Variants in DAW1 observed in about 807,000 individuals in gnomAD.
DAW1 encodes dynein assembly factor with WD repeats 1.
In DAW1, 47 loss-of-function variants were observed where a neutral mutation model predicts 56.5. The ratio of observed to expected loss-of-function variants is 0.83; its 90% CI spans 0.66 to 1.06. The LOEUF is 1.06. Among genes scored for constraint, DAW1 ranks in the 50% least tolerant of loss-of-function variants. The pLI is 0.00. For missense variants in DAW1, 505 were observed against 499.3 expected (o/e 1.01, Z -0.11); for synonymous variants, 190 against 179.0 (o/e 1.06, Z -0.49).
chr2:227,922,687 A>T (rs1692140474), intron 12 of DAW1, among the ~76,000 whole-genome samples: 1 of 152,116 alleles, frequency 6.6e-6, no homozygotes, highest in Non-Finnish European at 1.5e-5. Context: ...TCCCCTTACC[A>T]CCTAAAATGC....
At chr2:227,881,096 G>A (rs970366252) in intron 1 of DAW1, among the ~76,000 whole-genome samples, 3 of 152,160 alleles carry the variant, frequency 2.0e-5, no homozygotes, top group Admixed American at 6.6e-5. Flanking sequence ...AGCCCAAAGA[G>A]GGTATATTTG....
chr2:227,920,622 C>A (rs1001467843), intron 11 of DAW1, among the ~76,000 whole-genome samples: 4 of 152,140 alleles, frequency 2.6e-5, no homozygotes, highest in Non-Finnish European at 5.9e-5. Context: ...TTCTATGGCA[C>A]AGATTAGAGA....
At chr2:227,882,104 T>G (rs1395620636) in intron 1 of DAW1, among the ~76,000 whole-genome samples, 2 of 152,146 alleles carry the variant, frequency 1.3e-5, no homozygotes, top group Admixed American at 1.3e-4. Context: ...AAATAGAGTG[T>G]TTTGGCAACA....
intron 11 of DAW1, among the ~76,000 whole-genome samples, chr2:227,919,521 T>C (rs1453614807): frequency 6.6e-6 from 1 of 152,214 alleles, no homozygotes; most frequent in Non-Finnish European, 1.5e-5. Context: ...GCGAAAAATA[T>C]GCTGGGCAGC....
chr2:227,875,419 C>G (rs139372882), intron 1 of DAW1, among the ~76,000 whole-genome samples: 313 of 152,268 alleles, frequency 2.1e-3, no homozygotes, highest in African/African-American at 7.0e-3. Context: ...ACCATGATCC[C>G]CAAGGCCCTG....
intron 2 of DAW1, among the ~76,000 whole-genome samples, chr2:227,886,560 T>A (rs1431554988): frequency 6.6e-6 from 1 of 152,054 alleles, no homozygotes; most frequent in Non-Finnish European, 1.5e-5. Context: ...GAGGTTGCAG[T>A]GAGCTGAGAT....
intron 3 of DAW1, among the ~76,000 whole-genome samples, chr2:227,890,643 C>T (rs948930394): frequency 3.3e-5 from 5 of 152,124 alleles, no homozygotes; most frequent in Admixed American, 2.0e-4. Flanking sequence ...GCATTCGTTT[C>T]TGGAAGAGGA....
intron 8 of DAW1, 66 bp from the exon 9 acceptor site, chr2:227,906,170 C>CATT (rs1691675539): frequency 7.7e-7 from 1 of 1,295,862 alleles, no homozygotes; most frequent in Admixed American, 1.9e-5. Context: ...GGCTTGGCCT[C>CATT]ATTATTCATG....
intron 6 of DAW1, among the ~76,000 whole-genome samples, chr2:227,898,845 A>G (rs1559308139): frequency 6.6e-6 from 1 of 152,202 alleles, no homozygotes; most frequent in Non-Finnish European, 1.5e-5. Flanking sequence ...ATAAATTTAT[A>G]AATATAATAA....
In DAW1 at chr2:227,921,653, C is replaced by T. The variant is rs1692114702; in HGVS notation, c.1213+92C>T. ...TACTAACAGGAGTTCATCCCCATTC[C>T]CTACCTCTTTTCTGGAGTCACTAGC... On this transcript the variant is annotated intron_variant, in intron 12 of 12. Transcript: ENST00000309931. 2.2e-6 allele frequency: 3 copies of T among 1,361,204 alleles called. No homozygotes were observed. The East Asian group carries it at 7.0e-5, about 32-fold the overall frequency. 84.3% of individuals were successfully genotyped at this position (1,361,204 alleles called of 1,614,324 possible). A position where few individuals can be genotyped will look rare whatever the true frequency, so the allele number is the denominator to read the frequency against.
chr2:227,885,446 C>G lies in DAW1; in HGVS notation c.113+23C>G, dbSNP rs771393667. Reference sequence around the variant, plus strand: ...CAGGTAAGTAAGCTGTAGGATTCAACAAATAAATGTTCACTGGGAAGCCTT... The same window carrying G: ...CAGGTAAGTAAGCTGTAGGATTCAAGAAATAAATGTTCACTGGGAAGCCTT... On this transcript the variant is annotated intron_variant, in intron 2 of 12. Transcript: ENST00000309931. 6.6e-5 allele frequency: 104 copies of G among 1,566,642 alleles called. 2 individuals carry two copies. The highest frequency in any genetic ancestry group is 6.4e-4 in the South Asian group (54 of 84,686).
At chr2:227,915,042 C>T (rs1292732881) in intron 10 of DAW1, among the ~76,000 whole-genome samples, 2 of 152,034 alleles carry the variant, frequency 1.3e-5, no homozygotes, top group African/African-American at 4.8e-5. Flanking sequence ...TCCCTGATGA[C>T]AGTGATGCTA....
intron 10 of DAW1, among the ~76,000 whole-genome samples, chr2:227,918,506 C>T (rs191608906): frequency 3.9e-5 from 6 of 152,004 alleles, no homozygotes; most frequent in Admixed American, 3.3e-4. Context: ...TTTTTTCTTT[C>T]TGGATTCCTG....
At chr2:227,896,187 G>A (rs964143560) in intron 5 of DAW1, among the ~76,000 whole-genome samples, 2 of 152,072 alleles carry the variant, frequency 1.3e-5, no homozygotes, top group Non-Finnish European at 2.9e-5. Context: ...GAGAATGACA[G>A]TTTTTATAAT....
intron 10 of DAW1, among the ~76,000 whole-genome samples, chr2:227,915,702 A>G (rs1201232684): frequency 6.6e-6 from 1 of 152,108 alleles, no homozygotes; most frequent in Non-Finnish European, 1.5e-5. Context: ...GAATATATGT[A>G]CTATGTTTCA....
At chr2:227,886,044 G>A (rs1691123388) in intron 2 of DAW1, among the ~76,000 whole-genome samples, 2 of 144,804 alleles carry the variant, frequency 1.4e-5, no homozygotes, top group Non-Finnish European at 3.0e-5. Flanking sequence ...GCTCGATCTC[G>A]GCTCATTGCA....
At chr2:227,883,967 C>T (rs1181830705) in intron 1 of DAW1, among the ~76,000 whole-genome samples, 2 of 152,026 alleles carry the variant, frequency 1.3e-5, no homozygotes, top group African/African-American at 4.8e-5. Context: ...TAAGGTGATC[C>T]TGAAGCCAAA....
At chr2:227,890,489 C>G (rs1691237755) in intron 3 of DAW1, among the ~76,000 whole-genome samples, 1 of 152,072 alleles carries the variant, frequency 6.6e-6, no homozygotes, top group Admixed American at 6.6e-5. Flanking sequence ...TCGTTTAGTA[C>G]TTCAAGGAAA....
chr2:227,923,251 G>A (rs1055470636), intron 12 of DAW1, among the ~76,000 whole-genome samples: 3 of 152,146 alleles, frequency 2.0e-5, no homozygotes, highest in Admixed American at 1.3e-4. Flanking sequence ...TTTTCCGAGT[G>A]GACCCTGGTG....
Sources: allele counts gnomAD v4.1 joint callset (sites outside exome capture counted in the v4.1 genomes callset), GRCh38; gene constraint gnomAD v4.1.1; transcripts MANE v1.5; gene names NCBI Gene and HGNC (gene_info 2026-07-23, HGNC 2026-07-21).